Variants in HERC3 observed in about 807,000 individuals in gnomAD.
HERC3 encodes the protein HECT and RLD domain containing E3 ubiquitin protein ligase 3, also known as probable E3 ubiquitin-protein ligase HERC3.
HERC3 carries 58 observed loss-of-function variants against 129.9 expected under a neutral mutation model. The observed-to-expected ratio is 0.45, with a 90% CI of 0.36 to 0.56. The LOEUF (loss-of-function observed/expected upper bound fraction) is 0.56, where lower values mean the gene tolerates loss of function less well. HERC3 is among the 20% of genes least tolerant of loss of function. The pLI, the probability that HERC3 is intolerant of heterozygous loss-of-function variation, is 0.00. For missense variants in HERC3, 835 were observed against 1,244.2 expected (o/e 0.67, Z 4.95); for synonymous variants, 430 against 451.0 (o/e 0.95, Z 0.59).
chr4:88,526,495 A>G, the HERC3 span, among the ~76,000 whole-genome samples: 2 of 152,084 alleles, frequency 1.3e-5, no homozygotes, highest in South Asian at 4.1e-4. Flanking sequence ...ACTTACTTTC[A>G]TTTTGCCAAT....
intron 20 of HERC3, 139 bp from the exon 21 acceptor site, chr4:88,681,020 T>C (rs1418738309): frequency 1.4e-5 from 20 of 1,433,002 alleles, no homozygotes; most frequent in Non-Finnish European, 1.6e-5. Flanking sequence ...TCAGGGTGTT[T>C]CTTTGCTACA....
intron 12 of HERC3, among the ~76,000 whole-genome samples, chr4:88,665,904 C>A (rs760643415): frequency 2.0e-5 from 3 of 152,150 alleles, no homozygotes; most frequent in Non-Finnish European, 2.9e-5. Context: ...AACAGGGGTT[C>A]TCAACCAGGG....
the HERC3 span, among the ~76,000 whole-genome samples, chr4:88,575,700 A>G: frequency 6.6e-6 from 1 of 152,216 alleles, no homozygotes; most frequent in African/African-American, 2.4e-5. Context: ...ATCACTATCA[A>G]TTGATGCATG....
At chr4:88,686,626 T>A (rs994865143) in intron 21 of HERC3, 110 bp from the exon 22 acceptor site, 2 of 686,202 alleles carry the variant, frequency 2.9e-6, no homozygotes, top group African/African-American at 3.6e-5. Context: ...TTCCAGAATC[T>A]TCTTTCATAG....
intron 23 of HERC3, among the ~76,000 whole-genome samples, chr4:88,691,345 C>G (rs1465767350): frequency 6.6e-6 from 1 of 152,164 alleles, no homozygotes; most frequent in African/African-American, 2.4e-5. Context: ...GTCACAGTTA[C>G]CTGTTTGTCT....
At chr4:88,617,636 C>T (rs1282059579) in intron 3 of HERC3, among the ~76,000 whole-genome samples, 1 of 152,154 alleles carries the variant, frequency 6.6e-6, no homozygotes, top group Non-Finnish European at 1.5e-5. Context: ...CTTTGGGAGG[C>T]TGAGGCAGGT....
In HERC3 at chr4:88,704,573, T is replaced by C. The variant is rs1735612890; in HGVS notation, c.2907T>C (p.Phe969=). 2 of 1,608,918 alleles carry C rather than the reference T, an allele frequency of 1.2e-6. No homozygotes were observed. The highest frequency in any genetic ancestry group is 4.5e-5 in the East Asian group (2 of 44,838). ...CTGTAAAACTATTTTGGGAAACATT[T>C]CATGAGTTTCCATTGGAAAAGAAGA... ...HPTVKLFWET[F]HEFPLEKKKK... Residue 969 remains phenylalanine, a synonymous_variant, in exon 25 of 26, where the codon TTT becomes TTC. Transcript: ENST00000402738.
At chr4:88,590,736 T>C (rs1721656083), upstream of HERC3, among the ~76,000 whole-genome samples, 1 of 152,248 alleles carries the variant, frequency 6.6e-6, no homozygotes, top group Admixed American at 6.5e-5. Flanking sequence ...GACTCCTCTT[T>C]GGGCATTTAA....
In HERC3 at chr4:88,708,497, A is replaced by G. The variant is rs1165114362; in HGVS notation, c.*1537A>G. On this transcript the variant is annotated 3_prime_UTR_variant, in exon 26 of 26. Coordinates refer to ENST00000402738, the MANE Select transcript of HERC3 (RefSeq NM_014606.3). ...ATGTTTATTTTCTATGTGTGTGCAT[A>G]TAGTTCAATATTATGCAATAAATTT... The G allele has an allele frequency of 6.6e-6, 1 of 152,618 alleles. No homozygotes were observed. The highest frequency in any genetic ancestry group is 1.5e-5 in the Non-Finnish European group (1 of 68,036). 9.5% of individuals were successfully genotyped at this position (152,618 alleles called of 1,614,324 possible).
At position 88,706,818 on chromosome 4, in the gene HERC3, C is replaced by A; in HGVS notation, c.3011C>A (p.Ser1004Tyr). ...GCCAGTCTGCAGATTGTCATCCAGT[C>A]CACAGCCAGCGGGGAGGAGTACTTG... ...GMASLQIVIQ[S>Y]TASGEEYLPV... The change falls in exon 26 of 26, where the codon TCC (serine) becomes TAC (tyrosine). Residue 1004 changes from serine (S) to tyrosine (Y), a missense_variant. Transcript: ENST00000402738. The A allele has an allele frequency of 6.2e-7, 1 of 1,614,146 alleles. No homozygotes were observed. The highest frequency in any genetic ancestry group is 2.2e-5 in the East Asian group (1 of 44,862).
chr4:88,603,405 A>G (rs1055740414), intron 2 of HERC3, among the ~76,000 whole-genome samples: 1 of 151,936 alleles, frequency 6.6e-6, no homozygotes, highest in Non-Finnish European at 1.5e-5. Flanking sequence ...ATGCGGTTTC[A>G]CCATGTTGGT....
At chr4:88,548,813 A>C in the HERC3 span, among the ~76,000 whole-genome samples, 2 of 151,842 alleles carry the variant, frequency 1.3e-5, no homozygotes, top group East Asian at 3.9e-4. Context: ...GGCGCACACC[A>C]CCACGCCTGG....
chr4:88,568,196 G>A, the HERC3 span, among the ~76,000 whole-genome samples: 1 of 152,206 alleles, frequency 6.6e-6, no homozygotes, highest in Non-Finnish European at 1.5e-5. Context: ...TTCATAGTGT[G>A]GACGGTGGCC....
chr4:88,628,993 G>A (rs1335549526), intron 3 of HERC3, among the ~76,000 whole-genome samples: 1 of 152,146 alleles, frequency 6.6e-6, no homozygotes, highest in Non-Finnish European at 1.5e-5. Context: ...GGCCAATGTG[G>A]TGAAACCCGT....
chr4:88,658,408 T>C lies in HERC3; in HGVS notation c.1070-7T>C. ...AAAATATGCTTTCGGAATTTTTTTT[T>C]TGACAGATCGCTTTAAATATCATAT... On this transcript the variant is annotated splice_polypyrimidine_tract_variant and splice_region_variant and intron_variant, in intron 9 of 25. Coordinates refer to ENST00000402738, the MANE Select transcript of HERC3 (RefSeq NM_014606.3). The C allele has an allele frequency of 1.9e-6, 3 of 1,554,350 alleles. No individual in the cohort carries two copies. The highest frequency in any genetic ancestry group is 2.6e-6 in the Non-Finnish European group (3 of 1,142,368).
At chr4:88,663,080 A>C (rs1453801147) in intron 11 of HERC3, among the ~76,000 whole-genome samples, 1 of 151,930 alleles carries the variant, frequency 6.6e-6, no homozygotes, top group East Asian at 1.9e-4. Context: ...ACATTTTTAC[A>C]CATTTTCATT....
At chr4:88,575,118 T>A in the HERC3 span, among the ~76,000 whole-genome samples, 2 of 152,198 alleles carry the variant, frequency 1.3e-5, no homozygotes, top group Non-Finnish European at 2.9e-5. Flanking sequence ...TCAATGATAG[T>A]GCCAATTTTT....
chr4:88,566,793 G>T, the HERC3 span, among the ~76,000 whole-genome samples: 166 of 152,082 alleles, frequency 1.1e-3, 1 homozygote, highest in South Asian at 0.016. Flanking sequence ...TTTTCCTTTG[G>T]TACTTTATTT....
chr4:88,574,856 A>G, the HERC3 span, among the ~76,000 whole-genome samples: 1 of 152,184 alleles, frequency 6.6e-6, no homozygotes, highest in African/African-American at 2.4e-5. Context: ...GCTACTGTGA[A>G]TAATGCTGCT....
Sources: allele counts gnomAD v4.1 joint callset (sites outside exome capture counted in the v4.1 genomes callset), GRCh38; gene constraint gnomAD v4.1.1; transcripts MANE v1.5; gene names NCBI Gene and HGNC (gene_info 2026-07-23, HGNC 2026-07-21).